The following FAM3C variants were observed in gnomAD, a reference collection of about 807,000 sequenced individuals.
FAM3C encodes FAM3 metabolism regulating signaling molecule C.
In FAM3C, 15 loss-of-function variants were observed where a neutral mutation model predicts 32.5. The ratio of observed to expected loss-of-function variants is 0.46; its 90% CI spans 0.31 to 0.71. The LOEUF is 0.71. Among genes scored for constraint, FAM3C ranks in the 30% least tolerant of loss-of-function variants. The pLI is 0.05. For missense variants in FAM3C, 175 were observed against 274.4 expected (o/e 0.64, Z 2.56); for synonymous variants, 75 against 86.1 (o/e 0.87, Z 0.72).
At chr7:121,383,206 C>T (rs181257865) in intron 1 of FAM3C, among the ~76,000 whole-genome samples, 196 bp from the exon 2 acceptor site, 3 of 151,920 alleles carry the variant, frequency 2.0e-5, no homozygotes, top group African/African-American at 7.2e-5. Context: ...GTCTGTCTTA[C>T]CCTGCTGTGT....
intron 1 of FAM3C, among the ~76,000 whole-genome samples, chr7:121,393,903 C>T (rs1005343513): frequency 6.6e-6 from 1 of 152,282 alleles, no homozygotes; most frequent in South Asian, 2.1e-4. Flanking sequence ...AGAACAGAGA[C>T]GCTTCTGGAC....
Position 121,348,903 on chromosome 7 carries a change from CATTT to C in FAM3C, c.*1554_*1557del, listed in dbSNP as rs1371509731. 6.6e-6 allele frequency: 1 copy of C among 150,604 alleles called. No individual in the cohort carries two copies. The highest frequency in any genetic ancestry group is 2.4e-5 in the African/African-American group (1 of 40,894). 9.3% of individuals were successfully genotyped at this position (150,604 alleles called of 1,614,324 possible). A position where few individuals can be genotyped will look rare whatever the true frequency, so the allele number is the denominator to read the frequency against. ...TTTTCATTATTTTAAAAAACTGCAA[CATTT>C]ATTTCACAATCCCTGGAACTGTAAA... On this transcript the variant is annotated 3_prime_UTR_variant, in exon 10 of 10. Coordinates refer to ENST00000359943, the MANE Select transcript of FAM3C (RefSeq NM_014888.3).
chr7:121,372,895 T>A (rs1277946013), intron 3 of FAM3C, among the ~76,000 whole-genome samples: 1 of 152,212 alleles, frequency 6.6e-6, no homozygotes, highest in Non-Finnish European at 1.5e-5. Flanking sequence ...CTATTTTAGA[T>A]AATTGTGAAC....
intron 1 of FAM3C, among the ~76,000 whole-genome samples, chr7:121,388,167 A>G (rs1794500458): frequency 6.6e-6 from 1 of 152,054 alleles, no homozygotes; most frequent in African/African-American, 2.4e-5. Context: ...CTAACTTGAG[A>G]AAGTATTTAA....
chr7:121,387,987 T>C (rs1794496200), intron 1 of FAM3C, among the ~76,000 whole-genome samples: 1 of 152,092 alleles, frequency 6.6e-6, no homozygotes. Flanking sequence ...TGGCTACATT[T>C]TTGAAATAAC....
chr7:121,369,142 C>T (rs913879193), intron 5 of FAM3C, among the ~76,000 whole-genome samples: 2 of 151,816 alleles, frequency 1.3e-5, no homozygotes, highest in African/African-American at 4.8e-5. Context: ...CCACCACGCC[C>T]GGCTAACTTT....
chr7:121,352,755 G>T (rs1793730181), intron 8 of FAM3C, among the ~76,000 whole-genome samples: 2 of 152,210 alleles, frequency 1.3e-5, no homozygotes, highest in African/African-American at 4.8e-5. Context: ...TTTGGTGCTA[G>T]AGGGAAATGC....
intron 3 of FAM3C, 51 bp from the exon 4 acceptor site, chr7:121,372,190 A>T (rs773560104): frequency 7.8e-7 from 1 of 1,287,908 alleles, no homozygotes; most frequent in South Asian, 1.2e-5. Context: ...ATTGGCAAGT[A>T]TCCACTTTTA....
At chr7:121,366,628 G>A (rs928735065) in intron 5 of FAM3C, among the ~76,000 whole-genome samples, 3 of 152,034 alleles carry the variant, frequency 2.0e-5, no homozygotes, top group African/African-American at 7.2e-5. Context: ...ATTGACTGTG[G>A]CAGAGATTGC....
At chr7:121,364,867 T>A (rs1033157630) in intron 5 of FAM3C, among the ~76,000 whole-genome samples, 1 of 152,120 alleles carries the variant, frequency 6.6e-6, no homozygotes, top group Non-Finnish European at 1.5e-5. Flanking sequence ...ATCAGTTCAG[T>A]TTGTTCAATT....
intron 1 of FAM3C, among the ~76,000 whole-genome samples, chr7:121,395,633 A>G (rs976519622): frequency 3.9e-5 from 6 of 152,110 alleles, no homozygotes; most frequent in African/African-American, 1.4e-4. Flanking sequence ...ATAGGAAGAA[A>G]AAGAAGAGAC....
At chr7:121,390,855 G>T (rs1260102130) in intron 1 of FAM3C, among the ~76,000 whole-genome samples, 16 of 18,070 alleles carry the variant, frequency 8.9e-4, no homozygotes, top group Non-Finnish European at 2.1e-3. Flanking sequence ...GTGTGGGGCG[G>T]GGGGGGGGGG....
chr7:121,385,810 T>C (rs1393731392), intron 1 of FAM3C, among the ~76,000 whole-genome samples: 2 of 152,208 alleles, frequency 1.3e-5, no homozygotes, highest in Non-Finnish European at 1.5e-5. Flanking sequence ...AAACCAAGTA[T>C]GAATACATAC....
chr7:121,394,692 T>C (rs980480058), intron 1 of FAM3C, among the ~76,000 whole-genome samples: 4 of 152,158 alleles, frequency 2.6e-5, no homozygotes, highest in African/African-American at 9.7e-5. Context: ...CTAATACCTG[T>C]ATAAAACTGA....
chr7:121,390,158 G>A (rs1186108782), intron 1 of FAM3C, among the ~76,000 whole-genome samples: 1 of 152,162 alleles, frequency 6.6e-6, no homozygotes, highest in African/African-American at 2.4e-5. Context: ...AAGATAATAA[G>A]AGGAACCTCT....
At chr7:121,385,493 G>A (rs1794448432) in intron 1 of FAM3C, among the ~76,000 whole-genome samples, 1 of 152,162 alleles carries the variant, frequency 6.6e-6, no homozygotes, top group Non-Finnish European at 1.5e-5. Context: ...GGCCTCAGAT[G>A]GACGTACTAA....
chr7:121,371,503 C>G, intron 4 of FAM3C, 80 bp from the exon 5 acceptor site: 2 of 1,397,062 alleles, frequency 1.4e-6, no homozygotes, highest in Non-Finnish European at 2.0e-6. Flanking sequence ...AATCTCAAAC[C>G]ACAAAGAGCA....
intron 8 of FAM3C, among the ~76,000 whole-genome samples, chr7:121,359,775 GA>G (rs1793883651): frequency 6.6e-6 from 1 of 151,774 alleles, no homozygotes; most frequent in South Asian, 2.1e-4. Context: ...TTAATGCTAG[GA>G]AAAACAATTT....
intron 1 of FAM3C, among the ~76,000 whole-genome samples, chr7:121,386,670 T>C (rs1794470252): frequency 6.9e-6 from 1 of 144,502 alleles, no homozygotes; most frequent in South Asian, 2.2e-4. Flanking sequence ...GCTATATCTA[T>C]ACATACACAC....
Sources: allele counts gnomAD v4.1 joint callset (sites outside exome capture counted in the v4.1 genomes callset), GRCh38; gene constraint gnomAD v4.1.1; transcripts MANE v1.5; gene names NCBI Gene and HGNC (gene_info 2026-07-23, HGNC 2026-07-21).